The following SYNJ2 variants were observed in gnomAD, a reference collection of about 807,000 sequenced individuals.
SYNJ2 encodes polyphosphatidylinositol phosphatase SYNJ2.
In SYNJ2, 116 loss-of-function variants were observed where a neutral mutation model predicts 141.3. The observed-to-expected ratio is 0.82, with a 90% CI of 0.71 to 0.96. The LOEUF (loss-of-function observed/expected upper bound fraction) is 0.96, where lower values mean the gene tolerates loss of function less well. Ranked by LOEUF, SYNJ2 falls within the 40% of genes least tolerant of loss-of-function variation. The pLI, the probability that SYNJ2 is intolerant of heterozygous loss-of-function variation, is 0.00. For missense variants in SYNJ2, 1,873 were observed against 1,934.8 expected (o/e 0.97, Z 0.60); for synonymous variants, 745 against 777.7 (o/e 0.96, Z 0.70).
At position 158,043,472 on chromosome 6, in the gene SYNJ2, A is replaced by G; in HGVS notation, c.795+73A>G. ...TGCCCTTCCCTTCAATAGCTGGGGA[A>G]GATTTCTTTTAACACGTTCGTTTCA... is the stretch of plus-strand genomic sequence containing the variant. On this transcript the variant is annotated intron_variant, in intron 5 of 26. Transcript: ENST00000355585. This position sits in a 1 kb window ranked among gnomAD's most constrained non-coding sequence, Gnocchi z 4.0. The G allele has an allele frequency of 8.8e-7, 1 of 1,132,482 alleles. No homozygotes were observed. The highest frequency in any genetic ancestry group is 1.3e-5 in the South Asian group (1 of 76,434). 70.2% of individuals were successfully genotyped at this position (1,132,482 alleles called of 1,614,324 possible).
At chr6:158,054,618 C>T (rs1780764957) in intron 5 of SYNJ2, among the ~76,000 whole-genome samples, 1 of 152,246 alleles carries the variant, frequency 6.6e-6, no homozygotes, top group African/African-American at 2.4e-5. Flanking sequence ...TCTGTCTCCA[C>T]AGTTGGCTTC....
intron 3 of SYNJ2, among the ~76,000 whole-genome samples, chr6:158,031,724 G>T (rs1208526599): frequency 6.6e-6 from 1 of 152,174 alleles, no homozygotes; most frequent in Non-Finnish European, 1.5e-5. Context: ...TTCTGGGCTG[G>T]TAATTGATCA....
At chr6:157,981,316 T>C (rs535732228), upstream of SYNJ2, among the ~76,000 whole-genome samples, 14 of 152,312 alleles carry the variant, frequency 9.2e-5, no homozygotes, top group African/African-American at 3.1e-4. This position sits in a 1 kb window ranked among gnomAD's most constrained non-coding sequence, Gnocchi z 6.4. Context: ...TAGTGAAAGG[T>C]AACCTTTCTC....
chr6:158,010,518 C>T (rs1778224596), intron 1 of SYNJ2, among the ~76,000 whole-genome samples: 3 of 152,136 alleles, frequency 2.0e-5, no homozygotes, highest in Admixed American at 1.3e-4. Flanking sequence ...AGAGAGGAAG[C>T]TTACTGGAGA....
chr6:158,003,200 C>G (rs1049011466), intron 1 of SYNJ2, among the ~76,000 whole-genome samples: 1 of 152,218 alleles, frequency 6.6e-6, no homozygotes, highest in Non-Finnish European at 1.5e-5. Flanking sequence ...CCCCTCACTC[C>G]GTGGCTCTTT....
At chr6:157,983,128 T>C (rs1485425021) in intron 1 of SYNJ2, among the ~76,000 whole-genome samples, 1 of 152,268 alleles carries the variant, frequency 6.6e-6, no homozygotes, top group African/African-American at 2.4e-5. Flanking sequence ...GGCTGCTTTG[T>C]AGATGCCTCT....
At chr6:157,998,256 T>G (rs1438303485) in intron 1 of SYNJ2, among the ~76,000 whole-genome samples, 1 of 152,198 alleles carries the variant, frequency 6.6e-6, no homozygotes, top group Non-Finnish European at 1.5e-5. Flanking sequence ...CAGAATCCCT[T>G]ATAAAATTAC....
At chr6:158,023,380 G>A (rs978634466) in intron 2 of SYNJ2, among the ~76,000 whole-genome samples, 10 of 152,116 alleles carry the variant, frequency 6.6e-5, no homozygotes, top group African/African-American at 2.4e-4. Flanking sequence ...ATTGAAGGAG[G>A]AGGAAGCCAT....
Position 158,029,124 on chromosome 6 carries a change from C to A in SYNJ2, c.485+98C>A. On this transcript the variant is annotated intron_variant, in intron 3 of 26. Coordinates refer to ENST00000355585, the MANE Select transcript of SYNJ2 (RefSeq NM_003898.4). ...AGGCCTTGACCTCCACTTGCACCAC[C>A]CCCGGGTTATGGGGCACCTCTGGAG... The A allele has an allele frequency of 5.2e-6, 7 of 1,342,602 alleles. No individual in the cohort carries two copies. In the South Asian group the frequency reaches 1.1e-4, roughly 22 times the overall value. 83.2% of individuals were successfully genotyped at this position (1,342,602 alleles called of 1,614,324 possible).
At chr6:158,016,462 A>G (rs1778460945) in intron 1 of SYNJ2, among the ~76,000 whole-genome samples, 1 of 151,978 alleles carries the variant, frequency 6.6e-6, no homozygotes, top group Non-Finnish European at 1.5e-5. Context: ...GGCTTTTTTC[A>G]TGTAGCATAA....
Position 158,000,064 on chromosome 6 carries a change from C to CTTTTTTTTTTTTTTTT in SYNJ2, c.128-17116_128-17101dup, listed in dbSNP as rs58284240. Among the ~76,000 whole-genome samples, 4 of 85,602 alleles carry CTTTTTTTTTTTTTTTT rather than the reference C, an allele frequency of 4.7e-5. 1 individual carries two copies. Among genetic ancestry groups the CTTTTTTTTTTTTTTTT allele is most frequent in the Non-Finnish European group, 4.9e-5 (2 of 40,838 alleles). 56.2% of individuals were successfully genotyped at this position (85,602 alleles called of 152,430 possible). On this transcript the variant is annotated intron_variant, in intron 1 of 26. Coordinates refer to ENST00000355585, the MANE Select transcript of SYNJ2 (RefSeq NM_003898.4). ...GCCAGGTTCTCACCAAGCCAAAAGG[C>CTTTTTTTTTTTTTTTT]TTTTTTTTTTTTTTTTTTTTTTTTT...
At chr6:157,990,134 G>A (rs74863147) in intron 1 of SYNJ2, among the ~76,000 whole-genome samples, 3,958 of 152,348 alleles carry the variant, frequency 0.026, 161 homozygotes, top group African/African-American at 0.091. Flanking sequence ...CGGAGCAGCG[G>A]ATTCACTGGG....
chr6:158,074,649 T>G lies in SYNJ2; in HGVS notation c.2203T>G (p.Tyr735Asp). 6.2e-7 allele frequency: 1 copy of G among 1,614,146 alleles called. No individual in the cohort carries two copies. The highest frequency in any genetic ancestry group is 8.5e-7 in the Non-Finnish European group (1 of 1,180,018). Residue 735 changes from tyrosine to aspartate, a missense_variant, in exon 16 of 27, where the codon TAT (tyrosine) becomes GAT (aspartate). Physicochemically the swap from Tyr to Asp is radical, Grantham distance 160. Coordinates refer to ENST00000355585, the MANE Select transcript of SYNJ2 (RefSeq NM_003898.4). The part of the protein sequence containing the change: ...GDFNYRIDLT[Y>D]EEVFYFVKRQ... ...TTTCAACTACCGCATTGATCTTACT[T>G]ATGAAGAAGTCTTCTATTTTGTTAA...
intron 14 of SYNJ2, 49 bp downstream of exon 14, chr6:158,069,722 C>G: frequency 6.5e-7 from 1 of 1,545,648 alleles, no homozygotes; most frequent in Non-Finnish European, 8.8e-7. Context: ...GGTTGTTAGT[C>G]TTTGTGTTTT....
chr6:157,986,337 G>A (rs571281358), intron 1 of SYNJ2, among the ~76,000 whole-genome samples: 13 of 152,076 alleles, frequency 8.5e-5, no homozygotes, highest in African/African-American at 2.2e-4. Context: ...TGCTTCTCCC[G>A]CGGGTTTTGT....
chr6:157,985,760 T>G (rs1399949124), intron 1 of SYNJ2, among the ~76,000 whole-genome samples: 1 of 152,108 alleles, frequency 6.6e-6, no homozygotes, highest in Non-Finnish European at 1.5e-5. Context: ...GCGGGCTGTG[T>G]GTGAGTGAAG....
chr6:158,080,999 C>A, intron 18 of SYNJ2, 110 bp from the exon 19 acceptor site: 1 of 985,148 alleles, frequency 1.0e-6, no homozygotes, highest in Non-Finnish European at 1.6e-6. Flanking sequence ...CAGCTGGGGA[C>A]TGGGGGCTGG....
At chr6:157,990,237 G>A (rs1442479266) in intron 1 of SYNJ2, among the ~76,000 whole-genome samples, 1 of 152,238 alleles carries the variant, frequency 6.6e-6, no homozygotes, top group Non-Finnish European at 1.5e-5. Context: ...GTGAAGGTCT[G>A]AGCTTCATTC....
In SYNJ2 at chr6:158,070,293, AG is replaced by A. The variant is rs1266256048; in HGVS notation, c.1940+621del. 1.0e-6 allele frequency: 1 copy of A among 985,368 alleles called. No homozygotes were observed. The highest frequency in any genetic ancestry group is 1.2e-6 in the Non-Finnish European group (1 of 830,028). The allele number at this position is 985,368 out of a possible 1,614,324, so 61.0% of individuals were successfully genotyped here. The stretch of plus-strand genomic sequence containing the variant: ...TCCACCAGCCTTTCGGCGAGCTGGC[AG>A]CAGGCGTTGAACTGACCTCCCCACT... On this transcript the variant is annotated intron_variant, in intron 14 of 26. Transcript: ENST00000355585. The surrounding 1 kb of genome is among the most constrained non-coding windows in gnomAD (Gnocchi z 4.0).
Sources: allele counts gnomAD v4.1 joint callset (sites outside exome capture counted in the v4.1 genomes callset), GRCh38; gene constraint gnomAD v4.1.1; non-coding constraint Gnocchi (gnomAD v3.1); transcripts MANE v1.5; gene names NCBI Gene and HGNC (gene_info 2026-07-23, HGNC 2026-07-21).